The following BANK1 variants were observed in gnomAD, a reference collection of about 807,000 sequenced individuals.
BANK1 encodes B-cell scaffold protein with ankyrin repeats.
BANK1 carries 95 observed loss-of-function variants against 94.5 expected under a neutral mutation model. The ratio of observed to expected loss-of-function variants is 1.00; its 90% CI spans 0.85 to 1.19. BANK1 has a LOEUF of 1.19. Ranked by LOEUF, BANK1 falls within the 50% of genes most tolerant of loss-of-function variation. The probability of loss-of-function intolerance (pLI) is 0.00; values close to 1 mark genes in which losing one functional copy is unlikely to be tolerated. For missense variants in BANK1, 987 were observed against 932.2 expected (o/e 1.06, Z -0.77); for synonymous variants, 334 against 308.4 (o/e 1.08, Z -0.87).
intron 1 of BANK1, among the ~76,000 whole-genome samples, chr4:101,822,321 A>G (rs1364300225): frequency 1.4e-4 from 22 of 152,000 alleles, no homozygotes; most frequent in Admixed American, 1.4e-3. Context: ...ACTGAGCCCC[A>G]AGATCACGCC....
intron 7 of BANK1, among the ~76,000 whole-genome samples, chr4:101,993,698 A>G (rs527620831): frequency 6.6e-6 from 1 of 152,312 alleles, no homozygotes; most frequent in African/African-American, 2.4e-5. Flanking sequence ...TTAATTTATT[A>G]TAGCCCAGAA....
chr4:101,831,284 G>A (rs1726609737), intron 2 of BANK1, among the ~76,000 whole-genome samples: 1 of 152,126 alleles, frequency 6.6e-6, no homozygotes, highest in Non-Finnish European at 1.5e-5. Context: ...CTTGCCTTTA[G>A]TAATTTCCAA....
At chr4:101,982,504 G>T (rs1725354711) in intron 7 of BANK1, among the ~76,000 whole-genome samples, 1 of 151,818 alleles carries the variant, frequency 6.6e-6, no homozygotes, top group African/African-American at 2.4e-5. Context: ...ACATTTGTTT[G>T]ACAATAAGCA....
chr4:101,829,693 T>C (rs1578341768), intron 1 of BANK1, 115 bp from the exon 2 acceptor site: 2 of 537,128 alleles, frequency 3.7e-6, no homozygotes, highest in Non-Finnish European at 6.0e-6. Flanking sequence ...AGAGTTTTTC[T>C]CTGGTATAAG....
chr4:102,060,026 A>G (rs1055206247), intron 11 of BANK1, among the ~76,000 whole-genome samples, 185 bp from the exon 12 acceptor site: 6 of 152,022 alleles, frequency 3.9e-5, no homozygotes, highest in Admixed American at 1.3e-4. Flanking sequence ...TTTTTCACCC[A>G]TAAGACTAGT....
At chr4:101,816,966 T>C (rs1246372230) in intron 1 of BANK1, among the ~76,000 whole-genome samples, 1 of 152,142 alleles carries the variant, frequency 6.6e-6, no homozygotes, top group Non-Finnish European at 1.5e-5. Context: ...GTGTTGTGGA[T>C]CTCCTATTGA....
intron 7 of BANK1, among the ~76,000 whole-genome samples, chr4:101,922,055 T>TGTGTGTGAGA (rs1491163025): frequency 3.5e-5 from 5 of 144,368 alleles, no homozygotes; most frequent in African/African-American, 1.3e-4. Flanking sequence ...TGTGTGTGTG[T>TGTGTGTGAGA]GAGACAGAGA....
At position 102,074,323 on chromosome 4, in the gene BANK1, T is replaced by G. The variant is rs1480511276; in HGVS notation, c.*324T>G. 1 of 152,174 alleles carries G rather than the reference T, an allele frequency of 6.6e-6. No homozygotes were observed. The highest frequency in any genetic ancestry group is 1.5e-5 in the Non-Finnish European group (1 of 67,990). 9.4% of individuals were successfully genotyped at this position (152,174 alleles called of 1,614,324 possible). The stretch of plus-strand genomic sequence containing the variant: ...AACAGCACAGAGAAGTTAAATGCGG[T>G]GTAGCAAAGTTATGGGGTCTGCTTG... On this transcript the variant is annotated 3_prime_UTR_variant, in exon 17 of 17. Coordinates refer to ENST00000322953, the MANE Select transcript of BANK1 (RefSeq NM_017935.5).
chr4:101,805,715 A>T (rs1725529287), intron 1 of BANK1, among the ~76,000 whole-genome samples: 1 of 151,676 alleles, frequency 6.6e-6, no homozygotes, highest in Non-Finnish European at 1.5e-5. Context: ...GCCATTTCTG[A>T]ATGCCACATG....
At chr4:101,799,707 T>C (rs879778354) in intron 1 of BANK1, among the ~76,000 whole-genome samples, 2 of 151,966 alleles carry the variant, frequency 1.3e-5, no homozygotes, top group African/African-American at 2.4e-5. Flanking sequence ...ACCCCATCTC[T>C]ACTAAAAACA....
At chr4:101,862,477 A>G (rs776503901) in intron 3 of BANK1, 49 bp from the exon 4 acceptor site, 3 of 1,492,308 alleles carry the variant, frequency 2.0e-6, no homozygotes, top group Middle Eastern at 2.2e-4. Flanking sequence ...TTCTTTGGTT[A>G]ATGTAAACTT....
rs1295721898 is a variant in BANK1 at position 101,855,021 on chromosome 4, A to G, written c.470-14A>G. ...TAGTTATATTATAATCTACATTCAT[A>G]AAATTTTCTCTAGATTCTGAAGACT... On this transcript the variant is annotated splice_polypyrimidine_tract_variant and intron_variant, in intron 2 of 16. Transcript: ENST00000322953. The G allele has an allele frequency of 1.1e-5, 18 of 1,589,752 alleles. No homozygotes were observed. Among genetic ancestry groups the G allele is most frequent in the Non-Finnish European group, 1.5e-5 (18 of 1,162,112 alleles).
At chr4:101,851,744 G>A (rs1727485046) in intron 2 of BANK1, among the ~76,000 whole-genome samples, 1 of 152,136 alleles carries the variant, frequency 6.6e-6, no homozygotes, top group African/African-American at 2.4e-5. Context: ...TTGTCTTTGG[G>A]AAGGGTGGTA....
chr4:101,873,696 A>G (rs1419314026), intron 5 of BANK1, among the ~76,000 whole-genome samples: 2 of 152,168 alleles, frequency 1.3e-5, no homozygotes, highest in Non-Finnish European at 2.9e-5. Flanking sequence ...TAAACACTGA[A>G]TCCCAGAACA....
chr4:101,849,409 T>G (rs1179001821), intron 2 of BANK1, among the ~76,000 whole-genome samples: 2 of 152,170 alleles, frequency 1.3e-5, no homozygotes, highest in African/African-American at 4.8e-5. Flanking sequence ...GACCCACTTC[T>G]GAGGAGGCCA....
intron 1 of BANK1, among the ~76,000 whole-genome samples, chr4:101,799,700 C>T (rs1056357171): frequency 1.3e-5 from 2 of 151,976 alleles, no homozygotes; most frequent in African/African-American, 4.8e-5. Context: ...CGGTGAAACC[C>T]CATCTCTACT....
At chr4:102,067,006 GGA>G (rs1431724705) in intron 13 of BANK1, among the ~76,000 whole-genome samples, 1 of 152,088 alleles carries the variant, frequency 6.6e-6, no homozygotes, top group African/African-American at 2.4e-5. Context: ...AGTAGGAAGA[GGA>G]GAGAGAGGGT....
At chr4:101,976,196 A>G (rs1725121170) in intron 7 of BANK1, among the ~76,000 whole-genome samples, 1 of 152,166 alleles carries the variant, frequency 6.6e-6, no homozygotes, top group Non-Finnish European at 1.5e-5. Context: ...GCCTCTTTTC[A>G]GTATTCTAAA....
At chr4:101,933,470 C>G (rs751294246) in intron 7 of BANK1, among the ~76,000 whole-genome samples, 12 of 151,514 alleles carry the variant, frequency 7.9e-5, no homozygotes, top group Non-Finnish European at 1.3e-4. Context: ...GTTGTTATGT[C>G]TGTAGCCTAA....
Sources: allele counts gnomAD v4.1 joint callset (sites outside exome capture counted in the v4.1 genomes callset), GRCh38; gene constraint gnomAD v4.1.1; transcripts MANE v1.5; gene names NCBI Gene and HGNC (gene_info 2026-07-23, HGNC 2026-07-21).